Variants in CACNA1E observed in about 807,000 individuals in gnomAD.
CACNA1E encodes the protein voltage-dependent R-type calcium channel subunit alpha-1E.
In CACNA1E, 40 loss-of-function variants were observed where a neutral mutation model predicts 259.2. The observed-to-expected ratio is 0.15, with a 90% CI of 0.12 to 0.20. CACNA1E has a LOEUF of 0.20. Ranked by LOEUF, CACNA1E falls within the 10% of genes least tolerant of loss-of-function variation. The pLI, the probability that CACNA1E is intolerant of heterozygous loss-of-function variation, is 1.00. For missense variants in CACNA1E, 1,874 were observed against 3,040.1 expected, an observed-to-expected ratio of 0.62 and a Z score of 9.02; for synonymous variants, 1,104 against 1,138.5, an observed-to-expected ratio of 0.97 and a Z score of 0.61.
At chr1:181,779,301 A>T in intron 38 of CACNA1E, 1 of 252,600 alleles carries the variant, frequency 4.0e-6, no homozygotes, top group South Asian at 4.4e-5. Context: ...TACTGTTTTC[A>T]GTCTCTCCTG....
chr1:181,665,664 C>A (rs1003105587), intron 7 of CACNA1E, among the ~76,000 whole-genome samples: 1 of 152,044 alleles, frequency 6.6e-6, no homozygotes, highest in Non-Finnish European at 1.5e-5. Context: ...ATGCTAAATA[C>A]CCTGATTTAA....
intron 6 of CACNA1E, among the ~76,000 whole-genome samples, chr1:181,604,838 G>A (rs1244582297): frequency 4.6e-5 from 7 of 152,154 alleles, no homozygotes; most frequent in Admixed American, 3.9e-4. Context: ...GCTTAACCTA[G>A]CGGGGAGTTT....
intron 44 of CACNA1E, among the ~76,000 whole-genome samples, chr1:181,790,986 C>T (rs1661255997): frequency 1.3e-5 from 2 of 152,170 alleles, no homozygotes. Context: ...CTTAGTGATG[C>T]CCACCTCCTC....
intron 1 of CACNA1E, among the ~76,000 whole-genome samples, chr1:181,333,337 T>C (rs1183043259): frequency 6.6e-6 from 1 of 152,136 alleles, no homozygotes; most frequent in African/African-American, 2.4e-5. Flanking sequence ...GGGTCTCACT[T>C]CCTCCAAGCC....
chr1:181,501,332 T>C (rs1309048804), intron 1 of CACNA1E, among the ~76,000 whole-genome samples: 1 of 152,196 alleles, frequency 6.6e-6, no homozygotes, highest in Admixed American at 6.5e-5. Flanking sequence ...TTCCCATCCT[T>C]TGGGAATCAG....
intron 6 of CACNA1E, among the ~76,000 whole-genome samples, chr1:181,631,993 T>C (rs1437755126): frequency 1.3e-5 from 2 of 152,206 alleles, no homozygotes; most frequent in Non-Finnish European, 2.9e-5. Flanking sequence ...GGGCACGAAG[T>C]GCAGGAGATG....
chr1:181,521,235 C>A (rs965725782), intron 3 of CACNA1E, among the ~76,000 whole-genome samples: 1 of 152,188 alleles, frequency 6.6e-6, no homozygotes, highest in Non-Finnish European at 1.5e-5. Context: ...CAATTTACAT[C>A]ACTGTGGGGG....
At chr1:181,518,633 G>A (rs1666769853) in intron 3 of CACNA1E, among the ~76,000 whole-genome samples, 2 of 152,180 alleles carry the variant, frequency 1.3e-5, no homozygotes, top group Non-Finnish European at 1.5e-5. Context: ...TAGTTGATGG[G>A]CAGCTGAGTT....
Position 181,625,422 on chromosome 1 carries a change from C to T in CACNA1E, c.952-25916C>T, listed in dbSNP as rs1656108952. 3.3e-5 allele frequency among the ~76,000 whole-genome samples: 5 copies of T among 152,040 alleles called. No individual in the cohort carries two copies. The South Asian group carries it at 1.0e-3, about 32-fold the overall frequency. On this transcript the variant is annotated intron_variant, in intron 6 of 47. Transcript: ENST00000367573. Reference sequence around the variant, plus strand: ...CATTGAAAATCTGTTGTTTAGTGTACCCGTCTTTATCAATTATCTTAATCT... The same window carrying T: ...CATTGAAAATCTGTTGTTTAGTGTATCCGTCTTTATCAATTATCTTAATCT...
intron 2 of CACNA1E, among the ~76,000 whole-genome samples, chr1:181,416,695 A>G (rs1658298607): frequency 6.6e-6 from 1 of 152,146 alleles, no homozygotes; most frequent in Non-Finnish European, 1.5e-5. Context: ...CCTGGAGTCT[A>G]GAGAAGCAAT....
intron 6 of CACNA1E, among the ~76,000 whole-genome samples, chr1:181,597,276 G>C (rs1178569693): frequency 1.3e-5 from 2 of 152,192 alleles, no homozygotes; most frequent in African/African-American, 4.8e-5. Context: ...GTAGTGAGCA[G>C]AGGTGGATTT....
chr1:181,798,156 G>A lies in CACNA1E; in HGVS notation c.6400-136G>A. Reference sequence around the variant, plus strand: ...TCTTCAATCCCTTTTTCCCTGAGTGGATGTGAATACTACAGGGAGCTCCAG... The same window carrying A: ...TCTTCAATCCCTTTTTCCCTGAGTGAATGTGAATACTACAGGGAGCTCCAG... On this transcript the variant is annotated intron_variant, in intron 47 of 47. Transcript: ENST00000367573. This position sits in a 1 kb window ranked among gnomAD's most constrained non-coding sequence, Gnocchi z 4.2. The A allele has an allele frequency of 1.5e-6, 1 of 684,498 alleles. No homozygotes were observed. Among genetic ancestry groups the A allele is most frequent in the South Asian group, 1.9e-5 (1 of 53,136 alleles). The allele number at this position is 684,498 out of a possible 1,614,324, so 42.4% of individuals were successfully genotyped here.
At chr1:181,408,398 A>G (rs1168219568) in intron 1 of CACNA1E, among the ~76,000 whole-genome samples, 1 of 152,238 alleles carries the variant, frequency 6.6e-6, no homozygotes, top group Non-Finnish European at 1.5e-5. Flanking sequence ...GCAGTAAAAA[A>G]TAGATGAATT....
intron 6 of CACNA1E, among the ~76,000 whole-genome samples, chr1:181,639,439 C>T (rs868387358): frequency 4.5e-4 from 69 of 152,196 alleles, no homozygotes; most frequent in African/African-American, 1.2e-3. Flanking sequence ...CCCTTCGATA[C>T]ATGGAGCCTT....
In CACNA1E at chr1:181,737,375, T is replaced by A. The variant is rs1385096761; in HGVS notation, c.3423-150T>A. The A allele has an allele frequency of 3.6e-6, 3 of 825,810 alleles. No homozygotes were observed. The East Asian group carries it at 8.1e-5, about 22-fold the overall frequency. The allele number at this position is 825,810 out of a possible 1,614,324, so 51.2% of individuals were successfully genotyped here. A position where few individuals can be genotyped will look rare whatever the true frequency, so the allele number is the denominator to read the frequency against. On this transcript the variant is annotated intron_variant, in intron 22 of 47. Coordinates refer to ENST00000367573, the MANE Select transcript of CACNA1E (RefSeq NM_001205293.3). Reference sequence around the variant, plus strand: ...CACTGGGGCTTTAAATCAAGGGTGGTGGCTGAGAAATTAAATTGCTCTCCC... The same window carrying A: ...CACTGGGGCTTTAAATCAAGGGTGGAGGCTGAGAAATTAAATTGCTCTCCC...
At chr1:181,342,399 T>C (rs560267273) in intron 1 of CACNA1E, among the ~76,000 whole-genome samples, 1 of 152,150 alleles carries the variant, frequency 6.6e-6, no homozygotes, top group African/African-American at 2.4e-5. Flanking sequence ...TCAAACTGCT[T>C]GTAGCAACAT....
chr1:181,338,088 T>G (rs4652648), intron 1 of CACNA1E, among the ~76,000 whole-genome samples: 2 of 151,782 alleles, frequency 1.3e-5, no homozygotes, highest in African/African-American at 2.4e-5. Context: ...GTGGGCTTTT[T>G]TTTGTTTGTT....
At chr1:181,528,148 G>A (rs575600119) in intron 3 of CACNA1E, among the ~76,000 whole-genome samples, 8 of 104,586 alleles carry the variant, frequency 7.6e-5, no homozygotes, top group African/African-American at 2.9e-4. Context: ...GGCCCGGGGT[G>A]GGGGGGGCAG....
intron 1 of CACNA1E, among the ~76,000 whole-genome samples, chr1:181,333,196 A>T (rs1480054955): frequency 6.6e-6 from 1 of 152,172 alleles, no homozygotes; most frequent in Non-Finnish European, 1.5e-5. Context: ...GGACTACATC[A>T]GTCCCCAGTC....
Sources: gnomAD v4.1 joint callset for allele counts (sites outside exome capture counted in the v4.1 genomes callset) on GRCh38, gnomAD v4.1.1 for gene constraint, Gnocchi (gnomAD v3.1) non-coding constraint, MANE v1.5 for transcripts, NCBI Gene and HGNC (gene_info 2026-07-23, HGNC 2026-07-21) for gene names.